Variants in SRPK2 observed in about 807,000 individuals in gnomAD.
SRPK2 encodes the protein SRSF protein kinase 2.
In SRPK2, 21 loss-of-function variants were observed where a neutral mutation model predicts 90.8. The ratio of observed to expected loss-of-function variants is 0.23; its 90% CI spans 0.16 to 0.33. The LOEUF (loss-of-function observed/expected upper bound fraction) is 0.33, where lower values mean the gene tolerates loss of function less well. SRPK2 is among the 10% of genes least tolerant of loss of function. The probability of loss-of-function intolerance (pLI) is 1.00; values close to 1 mark genes in which losing one functional copy is unlikely to be tolerated. For missense variants in SRPK2, 620 were observed against 869.0 expected, an observed-to-expected ratio of 0.71 and a Z score of 3.60; for synonymous variants, 288 against 311.1, an observed-to-expected ratio of 0.93 and a Z score of 0.78.
intron 2 of SRPK2, among the ~76,000 whole-genome samples, chr7:105,347,788 C>T (rs575224136): frequency 3.7e-4 from 55 of 150,600 alleles, no homozygotes; most frequent in Admixed American, 2.0e-3. Flanking sequence ...ACCCAGGAGG[C>T]AGAGGTTGCA....
intron 7 of SRPK2, among the ~76,000 whole-genome samples, chr7:105,159,212 G>A (rs1807039962): frequency 6.6e-6 from 1 of 151,960 alleles, no homozygotes; most frequent in Non-Finnish European, 1.5e-5. Flanking sequence ...AAGGCTGGGT[G>A]CAGTGGTTCA....
chr7:105,280,421 C>CAA (rs1279271628), intron 2 of SRPK2, among the ~76,000 whole-genome samples: 2 of 103,966 alleles, frequency 1.9e-5, no homozygotes, highest in Admixed American at 9.8e-5. Flanking sequence ...AGACTGTCTT[C>CAA]AAAAAAAAAA....
chr7:105,327,959 G>A (rs1182556895), intron 2 of SRPK2, among the ~76,000 whole-genome samples: 1 of 152,088 alleles, frequency 6.6e-6, no homozygotes, highest in Non-Finnish European at 1.5e-5. Context: ...CACCACCACA[G>A]CAGGCTAATT....
intron 2 of SRPK2, among the ~76,000 whole-genome samples, chr7:105,372,462 G>C (rs1158112786): frequency 1.3e-5 from 2 of 152,118 alleles, no homozygotes; most frequent in African/African-American, 4.8e-5. Flanking sequence ...AATTAGGGCT[G>C]CCTTATACTG....
chr7:105,376,293 G>A (rs529326716), intron 2 of SRPK2, among the ~76,000 whole-genome samples: 58 of 151,466 alleles, frequency 3.8e-4, no homozygotes, highest in African/African-American at 1.3e-3. Context: ...CACCACGCCC[G>A]GCCAAAAATT....
chr7:105,183,910 G>A (rs1367503468), intron 3 of SRPK2, among the ~76,000 whole-genome samples: 2 of 151,128 alleles, frequency 1.3e-5, no homozygotes, highest in Non-Finnish European at 2.9e-5. Context: ...TGTATTTTAA[G>A]TATACTGATA....
intron 2 of SRPK2, among the ~76,000 whole-genome samples, chr7:105,333,761 C>T (rs551485800): frequency 6.6e-6 from 1 of 152,260 alleles, no homozygotes; most frequent in African/African-American, 2.4e-5. Context: ...CAGTATCATG[C>T]TTTATGTACC....
chr7:105,210,430 C>T (rs1320532587), intron 2 of SRPK2, among the ~76,000 whole-genome samples: 2 of 152,168 alleles, frequency 1.3e-5, no homozygotes, highest in Admixed American at 1.3e-4. Flanking sequence ...TTGAGAAATA[C>T]CCAATTTCTA....
At chr7:105,257,784 A>T (rs1427545283) in intron 2 of SRPK2, among the ~76,000 whole-genome samples, 1 of 152,138 alleles carries the variant, frequency 6.6e-6, no homozygotes, top group African/African-American at 2.4e-5. Flanking sequence ...AAAAAGCATT[A>T]AAAGGTTTTA....
intron 2 of SRPK2, among the ~76,000 whole-genome samples, chr7:105,223,888 T>C (rs1369627398): frequency 1.3e-5 from 2 of 152,226 alleles, no homozygotes; most frequent in Admixed American, 6.5e-5. Flanking sequence ...AACAGATCTG[T>C]ATATGCCTCG....
At chr7:105,324,152 A>G (rs1813290521) in intron 2 of SRPK2, among the ~76,000 whole-genome samples, 1 of 150,460 alleles carries the variant, frequency 6.6e-6, no homozygotes, top group African/African-American at 2.4e-5. Context: ...CCCCACCACC[A>G]TGCCCGGGTA....
At chr7:105,385,182 T>TA (rs1821407686) in intron 2 of SRPK2, among the ~76,000 whole-genome samples, 2 of 48,550 alleles carry the variant, frequency 4.1e-5, no homozygotes, top group African/African-American at 1.3e-4. Context: ...TTTTTTTTTT[T>TA]TTTTTTTTTT....
chr7:105,312,672 A>G (rs890143080), intron 2 of SRPK2, among the ~76,000 whole-genome samples: 8 of 152,228 alleles, frequency 5.3e-5, no homozygotes, highest in African/African-American at 1.9e-4. Flanking sequence ...AAGTCACTTA[A>G]TTCTTTTCAT....
chr7:105,228,138 C>A (rs1798951361), intron 2 of SRPK2, among the ~76,000 whole-genome samples: 1 of 152,136 alleles, frequency 6.6e-6, no homozygotes. Context: ...ATCTCTTGGG[C>A]TCAGCCTCCC....
intron 13 of SRPK2, among the ~76,000 whole-genome samples, chr7:105,131,313 G>A (rs769522715): frequency 9.2e-5 from 14 of 152,226 alleles, no homozygotes; most frequent in South Asian, 2.1e-4. Flanking sequence ...TAACTCCCAC[G>A]TCTCAGTCTG....
At chr7:105,141,471 A>C (rs1428197359) in intron 11 of SRPK2, among the ~76,000 whole-genome samples, 1 of 152,184 alleles carries the variant, frequency 6.6e-6, no homozygotes, top group Non-Finnish European at 1.5e-5. Flanking sequence ...GCCAATCTAT[A>C]ATCTGTCATC....
chr7:105,137,939 G>A (rs1187599162), intron 11 of SRPK2, among the ~76,000 whole-genome samples: 1 of 152,132 alleles, frequency 6.6e-6, no homozygotes, highest in African/African-American at 2.4e-5. Flanking sequence ...ACCTCCCATG[G>A]GGGAGGCTGC....
At chr7:105,179,908 T>G (rs75490363) in intron 3 of SRPK2, among the ~76,000 whole-genome samples, 5,596 of 150,040 alleles carry the variant, frequency 0.037, 378 homozygotes, top group African/African-American at 0.13. Context: ...CAATAAGAAT[T>G]ACAAAACACT....
intron 2 of SRPK2, among the ~76,000 whole-genome samples, chr7:105,274,956 C>T (rs1806293334): frequency 6.6e-6 from 1 of 151,790 alleles, no homozygotes; most frequent in Non-Finnish European, 1.5e-5. Flanking sequence ...GGCGCAATCT[C>T]GGCTCACTAT....
Sources: gnomAD v4.1 joint callset for allele counts (sites outside exome capture counted in the v4.1 genomes callset) on GRCh38, gnomAD v4.1.1 for gene constraint, MANE v1.5 for transcripts, NCBI Gene and HGNC (gene_info 2026-07-23, HGNC 2026-07-21) for gene names.